SAXO1: variants seen among roughly 807,000 people sequenced by gnomAD.
SAXO1 encodes the protein 4930500O09Rik.
In SAXO1, 21 loss-of-function variants were observed where a neutral mutation model predicts 17.5. The observed-to-expected ratio is 1.20, with a 90% CI of 0.85 to 1.72. The LOEUF (loss-of-function observed/expected upper bound fraction) is 1.72, where lower values mean the gene tolerates loss of function less well. Among genes scored for constraint, SAXO1 ranks in the 40% most tolerant of loss-of-function variants. SAXO1 has a pLI of 0.00. For synonymous variants in SAXO1, 274 were observed against 216.5 expected (o/e 1.27, Z -2.33); for missense variants, 843 against 596.0 (o/e 1.41, Z -4.32).
intron 2 of SAXO1, among the ~76,000 whole-genome samples, chr9:18,950,164 C>T (rs1337294216): frequency 6.6e-6 from 1 of 152,218 alleles, no homozygotes; most frequent in Non-Finnish European, 1.5e-5. Flanking sequence ...AACCATGTGG[C>T]TCAGCCTCTG....
intron 3 of SAXO1, among the ~76,000 whole-genome samples, chr9:18,932,430 C>T (rs1831094406): frequency 6.6e-6 from 1 of 152,184 alleles, no homozygotes; most frequent in East Asian, 1.9e-4. Flanking sequence ...ATTGCTGTAG[C>T]TTTATAATAA....
At position 18,956,608 on chromosome 9, in the gene SAXO1, T is replaced by C. The variant is rs115363504; in HGVS notation, c.39-5671A>G. 4.7e-3 allele frequency among the ~76,000 whole-genome samples: 723 copies of C among 152,304 alleles called. 11 individuals are homozygous for C. Among genetic ancestry groups the C allele is most frequent in the African/African-American group, 0.016 (685 of 41,570 alleles). ...TTCCAATCCTAGCTCTGCCACTGAC[T>C]ACTTGTGTAACATTGAGAAAACCAC... is the stretch of plus-strand genomic sequence containing the variant. On this transcript the variant is annotated intron_variant, in intron 1 of 3. Coordinates refer to ENST00000380534, the MANE Select transcript of SAXO1 (RefSeq NM_153707.4).
At chr9:18,931,184 T>C (rs764905859) in intron 3 of SAXO1, among the ~76,000 whole-genome samples, 2 of 152,166 alleles carry the variant, frequency 1.3e-5, no homozygotes, top group Non-Finnish European at 2.9e-5. Context: ...TTTACTCCCA[T>C]CTCCAGCCCC....
At chr9:19,020,660 A>C (rs1835191251) in intron 1 of SAXO1, among the ~76,000 whole-genome samples, 1 of 152,202 alleles carries the variant, frequency 6.6e-6, no homozygotes, top group Non-Finnish European at 1.5e-5. Flanking sequence ...GGCATAACCA[A>C]GATAATTTTG....
chr9:19,006,369 T>G (rs1055669283), intron 1 of SAXO1, among the ~76,000 whole-genome samples: 4 of 152,310 alleles, frequency 2.6e-5, no homozygotes, highest in Admixed American at 1.3e-4. Flanking sequence ...ACAACTCAAA[T>G]GTCCATCAAC....
chr9:18,950,393 G>A (rs968208467), intron 2 of SAXO1, among the ~76,000 whole-genome samples: 4 of 152,014 alleles, frequency 2.6e-5, no homozygotes, highest in Non-Finnish European at 4.4e-5. Context: ...AAGCTGGCCT[G>A]GAGCTTTTCA....
At chr9:19,026,380 C>A (rs533124412) in intron 1 of SAXO1, among the ~76,000 whole-genome samples, 6 of 152,194 alleles carry the variant, frequency 3.9e-5, no homozygotes, top group African/African-American at 1.2e-4. Flanking sequence ...TTAACATGTT[C>A]CCATATATTA....
chr9:19,007,519 T>G (rs998233316), intron 1 of SAXO1, among the ~76,000 whole-genome samples: 8 of 152,230 alleles, frequency 5.3e-5, no homozygotes, highest in Admixed American at 3.3e-4. Context: ...GACTCCCTTC[T>G]TTTAGAAGTT....
chr9:19,041,234 A>T (rs1836071884), intron 1 of SAXO1, among the ~76,000 whole-genome samples: 2 of 152,012 alleles, frequency 1.3e-5, no homozygotes, highest in Non-Finnish European at 2.9e-5. Flanking sequence ...AATTTAGTTA[A>T]CCATGGAAGT....
intron 1 of SAXO1, among the ~76,000 whole-genome samples, chr9:19,018,913 C>T (rs908030002): frequency 1.1e-4 from 17 of 151,984 alleles, no homozygotes; most frequent in African/African-American, 3.6e-4. Context: ...AGTTCGAACC[C>T]AGCCTGACCA....
intron 1 of SAXO1, among the ~76,000 whole-genome samples, chr9:18,958,739 GGAAGA>G (rs919226265): frequency 3.9e-5 from 6 of 152,048 alleles, no homozygotes; most frequent in African/African-American, 1.2e-4. Flanking sequence ...GGAAGGGAAA[GGAAGA>G]GAAGAGAATT....
chr9:19,018,149 C>T (rs921146041), intron 1 of SAXO1, among the ~76,000 whole-genome samples: 1 of 149,750 alleles, frequency 6.7e-6, no homozygotes, highest in Non-Finnish European at 1.5e-5. Context: ...GCTGGGGCAA[C>T]AGAGCAAGAC....
chr9:19,030,619 T>A, intron 1 of SAXO1, among the ~76,000 whole-genome samples: 1 of 151,748 alleles, frequency 6.6e-6, no homozygotes. Flanking sequence ...GGCAGGAGAA[T>A]CGTTTGAACC....
intron 1 of SAXO1, among the ~76,000 whole-genome samples, chr9:18,959,510 C>G (rs929715797): frequency 6.6e-6 from 1 of 152,110 alleles, no homozygotes; most frequent in Non-Finnish European, 1.5e-5. Context: ...GTAGTTCATG[C>G]CTGTAATCCC....
At chr9:18,986,414 CTG>C (rs1267538935) in intron 1 of SAXO1, among the ~76,000 whole-genome samples, 1 of 152,116 alleles carries the variant, frequency 6.6e-6, no homozygotes, top group Non-Finnish European at 1.5e-5. Flanking sequence ...AACAGGATAA[CTG>C]TATTTTCAAA....
chr9:19,033,584 C>T (rs58614427), upstream of SAXO1, among the ~76,000 whole-genome samples: 2,532 of 152,316 alleles, frequency 0.017, 77 homozygotes, highest in African/African-American at 0.058. Flanking sequence ...CTGTGGAAAC[C>T]TAGGCCTTTG....
chr9:19,034,860 C>T (rs1331129648), upstream of SAXO1, among the ~76,000 whole-genome samples: 1 of 152,186 alleles, frequency 6.6e-6, no homozygotes, highest in African/African-American at 2.4e-5. Context: ...TTGATGGCTG[C>T]CTAAACATTA....
intron 3 of SAXO1, among the ~76,000 whole-genome samples, chr9:18,936,455 A>G (rs1452146536): frequency 2.0e-5 from 3 of 152,160 alleles, no homozygotes; most frequent in African/African-American, 7.2e-5. Flanking sequence ...TGGGGAGGAC[A>G]GGGCTTTTCT....
intron 2 of SAXO1, 123 bp from the exon 3 acceptor site, chr9:18,941,962 C>T (rs1030793427): frequency 2.3e-6 from 2 of 858,246 alleles, no homozygotes; most frequent in Non-Finnish European, 1.9e-6. Flanking sequence ...TGCCTTCCCT[C>T]CTCCCCCGAA....
Sources: allele counts gnomAD v4.1 joint callset (sites outside exome capture counted in the v4.1 genomes callset), GRCh38; gene constraint gnomAD v4.1.1; transcripts MANE v1.5; gene names NCBI Gene and HGNC (gene_info 2026-07-23, HGNC 2026-07-21).